Variants in TUSC3 observed in about 807,000 individuals in gnomAD.
TUSC3 encodes dolichyl-diphosphooligosaccharide--protein glycosyltransferase subunit TUSC3.
Under a neutral mutation model 44.8 loss-of-function variants are expected in TUSC3, and 45 were observed. The observed-to-expected ratio is 1.00, with a 90% CI of 0.79 to 1.29. TUSC3 has a LOEUF of 1.29. Among genes scored for constraint, TUSC3 ranks in the 50% most tolerant of loss-of-function variants. The pLI, the probability that TUSC3 is intolerant of heterozygous loss-of-function variation, is 0.00. For synonymous variants in TUSC3, 212 were observed against 152.9 expected (o/e 1.39, Z -2.85); for missense variants, 519 against 437.9 (o/e 1.19, Z -1.65).
At chr8:15,482,267 C>T (rs1362042097) in intron 1 of TUSC3, among the ~76,000 whole-genome samples, 2 of 152,100 alleles carry the variant, frequency 1.3e-5, no homozygotes, top group Non-Finnish European at 2.9e-5. Flanking sequence ...AGTCTTGAGC[C>T]CCTCAATGTC....
chr8:15,619,933 C>G (rs1323449113), intron 1 of TUSC3, among the ~76,000 whole-genome samples: 2 of 152,076 alleles, frequency 1.3e-5, no homozygotes, highest in African/African-American at 2.4e-5. Context: ...AAAAATGACT[C>G]AATTTTGCCA....
chr8:15,736,720 C>G (rs1412966430), intron 7 of TUSC3, among the ~76,000 whole-genome samples: 1 of 152,050 alleles, frequency 6.6e-6, no homozygotes, highest in Non-Finnish European at 1.5e-5. Context: ...ACTAATCTGC[C>G]TTTTTTTCTA....
intron 6 of TUSC3, among the ~76,000 whole-genome samples, chr8:15,696,272 G>A (rs968113040): frequency 6.6e-6 from 1 of 152,152 alleles, no homozygotes; most frequent in African/African-American, 2.4e-5. Context: ...AACGGGCCAA[G>A]GTACAGCTCG....
At position 15,616,803 on chromosome 8, in the gene TUSC3, C is replaced by T. The variant is rs1240129945; in HGVS notation, c.139-6277C>T. 3.3e-5 allele frequency among the ~76,000 whole-genome samples: 5 copies of T among 152,160 alleles called. No homozygotes were observed. The East Asian group carries it at 5.8e-4, about 18-fold the overall frequency. Reference sequence around the variant, plus strand: ...CTGGCATCTCTGAGTTTTTGGGTGCCGCTGCGTTCCCCTCATCCAGATGTC... The same window carrying T: ...CTGGCATCTCTGAGTTTTTGGGTGCTGCTGCGTTCCCCTCATCCAGATGTC... On this transcript the variant is annotated intron_variant, in intron 1 of 10. Transcript: ENST00000503731.
intron 1 of TUSC3, among the ~76,000 whole-genome samples, chr8:15,605,426 C>G (rs1325586959): frequency 6.6e-6 from 1 of 151,904 alleles, no homozygotes; most frequent in Non-Finnish European, 1.5e-5. Context: ...AACCATTTAT[C>G]TTCTCCTGTA....
At chr8:15,573,484 T>C (rs1802970763) in intron 1 of TUSC3, among the ~76,000 whole-genome samples, 1 of 151,898 alleles carries the variant, frequency 6.6e-6, no homozygotes, top group Non-Finnish European at 1.5e-5. Flanking sequence ...AGTGGGTTTA[T>C]ATTTCAGAGC....
intron 2 of TUSC3, among the ~76,000 whole-genome samples, chr8:15,638,086 C>A (rs1332863919): frequency 6.6e-6 from 1 of 152,128 alleles, no homozygotes; most frequent in African/African-American, 2.4e-5. Flanking sequence ...ACTGTTCTTG[C>A]CCACCATGTT....
At chr8:15,830,359 C>T in the TUSC3 span, among the ~76,000 whole-genome samples, 8 of 152,202 alleles carry the variant, frequency 5.3e-5, no homozygotes, top group East Asian at 9.7e-4. Context: ...TCCTTTGCAT[C>T]AGCCAATGTC....
chr8:15,828,838 G>T, the TUSC3 span, among the ~76,000 whole-genome samples: 1 of 152,086 alleles, frequency 6.6e-6, no homozygotes. Context: ...CTTTCTTTGT[G>T]TGTCAAACCT....
intron 2 of TUSC3, among the ~76,000 whole-genome samples, chr8:15,506,445 T>A (rs1801051328): frequency 1.3e-5 from 2 of 152,240 alleles, no homozygotes; most frequent in Admixed American, 6.5e-5. Context: ...TGTTTGACTG[T>A]ACATCATATG....
At chr8:15,701,335 A>G (rs899789886) in intron 6 of TUSC3, among the ~76,000 whole-genome samples, 1 of 152,278 alleles carries the variant, frequency 6.6e-6, no homozygotes, top group African/African-American at 2.4e-5. Context: ...TGAAGTTCCC[A>G]TAAAATGAAT....
chr8:15,497,375 A>C (rs1800897244), intron 2 of TUSC3, among the ~76,000 whole-genome samples: 1 of 152,164 alleles, frequency 6.6e-6, no homozygotes, highest in South Asian at 2.1e-4. Flanking sequence ...AATGAGCAGT[A>C]AGCCTGCCTC....
At chr8:15,815,412 G>A in the TUSC3 span, among the ~76,000 whole-genome samples, 26,364 of 152,050 alleles carry the variant, frequency 0.17, 2,441 homozygotes, top group Admixed American at 0.28. Context: ...TAAAAATTGA[G>A]TCAGATTTTA....
the TUSC3 span, among the ~76,000 whole-genome samples, chr8:15,775,190 G>T: frequency 6.6e-6 from 1 of 152,072 alleles, no homozygotes; most frequent in East Asian, 1.9e-4. Flanking sequence ...GAAAACAAGT[G>T]AAAGATGCCA....
intron 1 of TUSC3, among the ~76,000 whole-genome samples, chr8:15,541,860 CCAAAG>C (rs1801703679): frequency 6.6e-6 from 1 of 150,860 alleles, no homozygotes; most frequent in Non-Finnish European, 1.5e-5. Flanking sequence ...TTGTGGATTA[CCAAAG>C]CAAAGGGCAA....
chr8:15,635,552 A>G (rs919839880), intron 2 of TUSC3, among the ~76,000 whole-genome samples: 5 of 152,192 alleles, frequency 3.3e-5, no homozygotes, highest in Admixed American at 1.3e-4. Context: ...AAAATTCACA[A>G]TGGAATGGCT....
At chr8:15,772,043 C>T in the TUSC3 span, among the ~76,000 whole-genome samples, 7 of 151,968 alleles carry the variant, frequency 4.6e-5, no homozygotes, top group East Asian at 7.8e-4. Flanking sequence ...GAGCCAGGAT[C>T]GCGCCACTGC....
At chr8:15,599,855 C>T (rs973183474) in intron 1 of TUSC3, among the ~76,000 whole-genome samples, 1 of 151,510 alleles carries the variant, frequency 6.6e-6, no homozygotes, top group African/African-American at 2.4e-5. Context: ...GGGAAGTATC[C>T]TCCAAGTCTG....
At chr8:15,622,509 C>T (rs1315005093) in intron 1 of TUSC3, among the ~76,000 whole-genome samples, 1 of 152,104 alleles carries the variant, frequency 6.6e-6, no homozygotes, top group East Asian at 1.9e-4. Context: ...TACTAATAGC[C>T]CAGTTCCACC....
Sources: allele counts gnomAD v4.1 joint callset (sites outside exome capture counted in the v4.1 genomes callset), GRCh38; gene constraint gnomAD v4.1.1; transcripts MANE v1.5; gene names NCBI Gene and HGNC (gene_info 2026-07-23, HGNC 2026-07-21).